Variants in NCF4 observed in about 807,000 individuals in gnomAD.
NCF4 encodes the protein neutrophil cytosol factor 4.
NCF4 carries 30 observed loss-of-function variants against 41.7 expected under a neutral mutation model. That is an observed-to-expected ratio of 0.72 (90% CI 0.54 to 0.97). NCF4 has a LOEUF of 0.97. Among genes scored for constraint, NCF4 ranks in the 50% least tolerant of loss-of-function variants. The probability of loss-of-function intolerance (pLI) is 0.00; values close to 1 mark genes in which losing one functional copy is unlikely to be tolerated. For synonymous variants in NCF4, 195 were observed against 175.8 expected, an observed-to-expected ratio of 1.11 and a Z score of -0.87; for missense variants, 432 against 460.9, an observed-to-expected ratio of 0.94 and a Z score of 0.57.
At chr22:36,870,363 T>C in intron 4 of NCF4, 52 bp from the exon 5 acceptor site, 2 of 1,612,066 alleles carry the variant, frequency 1.2e-6, no homozygotes, top group African/African-American at 1.3e-5. Context: ...GGCTGGGGTG[T>C]CCAGATCTTT....
Position 36,862,659 on chromosome 22 carries a change from G to A in NCF4, c.33-1386G>A, listed in dbSNP as rs151326045. Among the ~76,000 whole-genome samples, 5 of 152,316 alleles carry A rather than the reference G, an allele frequency of 3.3e-5. No homozygotes were observed. The East Asian group carries it at 7.7e-4, about 24-fold the overall frequency. On this transcript the variant is annotated intron_variant, in intron 1 of 9. Coordinates refer to ENST00000248899, the MANE Select transcript of NCF4 (RefSeq NM_000631.5). ...CTTGAGCCAGGTACTAGGGGCATGG[G>A]GGCTCCCTGTACCTCGAAGGTCTTA...
chr22:36,868,546 G>A (rs1370630033), intron 4 of NCF4, among the ~76,000 whole-genome samples: 1 of 152,172 alleles, frequency 6.6e-6, no homozygotes, highest in South Asian at 2.1e-4. Context: ...CAGGAATCCT[G>A]GGCTCTGAGC....
At chr22:36,873,991 G>A (rs1407859192) in intron 7 of NCF4, among the ~76,000 whole-genome samples, 6 of 152,198 alleles carry the variant, frequency 3.9e-5, no homozygotes, top group African/African-American at 1.4e-4. Context: ...TAGCTTTGTG[G>A]ACCTTTGGAA....
chr22:36,873,353 ATGGAGGTGAGGT>A (rs923561960), intron 7 of NCF4, among the ~76,000 whole-genome samples: 15 of 136,568 alleles, frequency 1.1e-4, no homozygotes, highest in Admixed American at 1.0e-3. Flanking sequence ...GGGAATAAGG[ATGGAGGTGAGGT>A]TGGAGGTGAG....
chr22:36,869,050 A>G (rs975450893), intron 4 of NCF4, among the ~76,000 whole-genome samples: 1 of 152,200 alleles, frequency 6.6e-6, no homozygotes, highest in African/African-American at 2.4e-5. Flanking sequence ...TTGACTGGCA[A>G]CCAGGAGACT....
At chr22:36,867,298 G>T in intron 3 of NCF4, 94 bp from the exon 4 acceptor site, 4 of 1,316,186 alleles carry the variant, frequency 3.0e-6, no homozygotes, top group Middle Eastern at 1.8e-4. Flanking sequence ...ATCGGGAAGG[G>T]GCTCTGGCCA....
intron 1 of NCF4, among the ~76,000 whole-genome samples, chr22:36,862,377 G>A (rs769185214): frequency 6.6e-5 from 10 of 152,222 alleles, no homozygotes; most frequent in Non-Finnish European, 1.2e-4. Flanking sequence ...AGAGCGGGGT[G>A]CAGGAGCTGG....
At position 36,866,053 on chromosome 22, in the gene NCF4, C is replaced by T. The variant is rs984083310; in HGVS notation, c.271+981C>T. Among the ~76,000 whole-genome samples the T allele has an allele frequency of 4.6e-5, 7 of 152,234 alleles. No homozygotes were observed. In the Middle Eastern group the frequency reaches 0.017, roughly 370 times the overall value. On this transcript the variant is annotated intron_variant, in intron 3 of 9. Transcript: ENST00000248899. ...TGATATACCAACTCCCTCTGCTAAGCGTCTCCACAGCCTCAACCCTCTTCT... is the reference window on the plus strand; with the variant it reads ...TGATATACCAACTCCCTCTGCTAAGTGTCTCCACAGCCTCAACCCTCTTCT...
chr22:36,877,745 C>G lies in NCF4; in HGVS notation c.942C>G (p.Pro314=). The change falls in exon 10 of 10, where the codon CCC becomes CCG. Residue 314 remains proline (P), a synonymous_variant. Coordinates refer to ENST00000248899, the MANE Select transcript of NCF4 (RefSeq NM_000631.5). The part of the protein sequence containing the change: ...ALMVRQARGL[P]SQKRLFPWKL... ...TGGTGCGGCAGGCTCGTGGCCTCCC[C>G]TCCCAGAAGCGCCTCTTCCCCTGGA... is the stretch of plus-strand genomic sequence containing the variant. The G allele has an allele frequency of 6.2e-7, 1 of 1,614,086 alleles. No individual in the cohort carries two copies. Among genetic ancestry groups the G allele is most frequent in the Non-Finnish European group, 8.5e-7 (1 of 1,180,012 alleles).
chr22:36,873,111 T>C (rs1398398729), intron 7 of NCF4, among the ~76,000 whole-genome samples: 4 of 144,228 alleles, frequency 2.8e-5, no homozygotes, highest in Non-Finnish European at 6.0e-5. Flanking sequence ...AGGATGGAGG[T>C]GAGCGTGGAG....
chr22:36,863,879 C>T lies in NCF4; in HGVS notation c.33-166C>T, dbSNP rs34377419. Among the ~76,000 whole-genome samples the T allele has an allele frequency of 0.036, 5,439 of 151,956 alleles. 142 individuals carry two copies. The highest frequency in any genetic ancestry group is 0.061 in the Middle Eastern group (18 of 294). ...CAAGGCCTGGGCTGTGTCTTGTTAT[C>T]TCCGTATTCCCAGGGTCAGTGGCTG... On this transcript the variant is annotated intron_variant, in intron 1 of 9. Coordinates refer to ENST00000248899, the MANE Select transcript of NCF4 (RefSeq NM_000631.5).
chr22:36,867,323 T>C lies in NCF4; in HGVS notation c.272-69T>C, dbSNP rs35361383. The C allele has an allele frequency of 2.2e-3, 3,365 of 1,552,074 alleles. 62 individuals are homozygous for C. The African/African-American group carries it at 0.041, about 19-fold the overall frequency. Reference sequence around the variant, plus strand: ...GGCTCTGGCCAGGGTTCCTGGCCTGTAGGGGCAGCCCTGAGCCCCGGGGCC... The same window carrying C: ...GGCTCTGGCCAGGGTTCCTGGCCTGCAGGGGCAGCCCTGAGCCCCGGGGCC... On this transcript the variant is annotated intron_variant, in intron 3 of 9. Transcript: ENST00000248899.
At chr22:36,866,199 C>T (rs998539459) in intron 3 of NCF4, among the ~76,000 whole-genome samples, 1 of 152,096 alleles carries the variant, frequency 6.6e-6, no homozygotes, top group East Asian at 1.9e-4. Context: ...CGCACTGTCT[C>T]ACCTTGGCAT....
chr22:36,863,410 C>A (rs559262716), intron 1 of NCF4, among the ~76,000 whole-genome samples: 6 of 151,558 alleles, frequency 4.0e-5, no homozygotes, highest in Admixed American at 6.6e-5. Context: ...TGCGCCTATG[C>A]CTCGAGCATC....
At position 36,864,942 on chromosome 22, in the gene NCF4, A is replaced by G. The variant is rs1939887697; in HGVS notation, c.141A>G (p.Thr47=). The change falls in exon 3 of 10, where the codon ACA becomes ACG. Residue 47 remains threonine (T), a synonymous_variant. Transcript: ENST00000248899. ...AGGTTTTCGTCATCGAGGTGAAGAC[A>G]AAAGGAGGATCCAAGTACCTCATCT... ...SHFVFVIEVK[T]KGGSKYLIYR... is the part of the protein sequence containing the mutation. 1 of 1,613,900 alleles carries G rather than the reference A, an allele frequency of 6.2e-7. No homozygotes were observed. Among genetic ancestry groups the G allele is most frequent in the Non-Finnish European group, 8.5e-7 (1 of 1,180,012 alleles).
At chr22:36,872,755 A>G (rs1231813409) in intron 7 of NCF4, among the ~76,000 whole-genome samples, 6 of 130,050 alleles carry the variant, frequency 4.6e-5, no homozygotes, top group South Asian at 2.8e-4. Context: ...GGAGGTGAGG[A>G]TGGAGGTGAG....
chr22:36,876,023 C>A lies in NCF4; in HGVS notation c.759-6C>A, dbSNP rs202038330. On this transcript the variant is annotated splice_region_variant and splice_polypyrimidine_tract_variant and intron_variant, in intron 8 of 9. Transcript: ENST00000248899. ...GCCTCCTTACTCCAGCCTGTCACCCCCTTAGGGACATCGCGGTGGAGGAAG... is the reference window on the plus strand; with the variant it reads ...GCCTCCTTACTCCAGCCTGTCACCCACTTAGGGACATCGCGGTGGAGGAAG... The A allele has an allele frequency of 1.9e-6, 3 of 1,613,442 alleles. No homozygotes were observed. The highest frequency in any genetic ancestry group is 1.3e-5 in the African/African-American group (1 of 74,900).
At chr22:36,876,191 C>T (rs894777593) in intron 9 of NCF4, 97 bp downstream of exon 9, 17 of 1,241,864 alleles carry the variant, frequency 1.4e-5, no homozygotes, top group Non-Finnish European at 1.7e-5. Flanking sequence ...TGGGGTTTTG[C>T]GTGTACTTTG....
intron 1 of NCF4, among the ~76,000 whole-genome samples, chr22:36,863,544 C>T (rs1939837550): frequency 6.2e-5 from 1 of 16,030 alleles, no homozygotes; most frequent in South Asian, 1.4e-3. Flanking sequence ...CGACTGGTCT[C>T]TCATCACGTT....
Sources: gnomAD v4.1 joint callset for allele counts (sites outside exome capture counted in the v4.1 genomes callset) on GRCh38, gnomAD v4.1.1 for gene constraint, MANE v1.5 for transcripts, NCBI Gene and HGNC (gene_info 2026-07-23, HGNC 2026-07-21) for gene names.